Variants in ASPM observed in about 807,000 individuals in gnomAD.
The protein encoded by ASPM is assembly factor for spindle microtubules, also known as abnormal spindle-like microcephaly-associated protein.
In ASPM, 256 loss-of-function variants were observed where a neutral mutation model predicts 366.4. That is an observed-to-expected ratio of 0.70 (90% confidence interval 0.63 to 0.77). The LOEUF is 0.77. Ranked by LOEUF, ASPM falls within the 30% of genes least tolerant of loss-of-function variation. The pLI is 0.00. For synonymous variants in ASPM, 1,414 were observed against 1,342.9 expected, an observed-to-expected ratio of 1.05 and a Z score of -1.16; for missense variants, 4,146 against 4,090.4, an observed-to-expected ratio of 1.01 and a Z score of -0.37.
rs1398918510 is a variant in ASPM at position 197,146,177 on chromosome 1, C to G, written c.261G>C (p.Leu87=). 4 of 1,613,776 alleles carry G rather than the reference C, an allele frequency of 2.5e-6. No homozygotes were observed. Among genetic ancestry groups the G allele is most frequent in the Non-Finnish European group, 2.5e-6 (3 of 1,179,970 alleles). The change falls in exon 1 of 28, where the codon CTG becomes CTC. Residue 87 remains leucine (L), a synonymous_variant. Coordinates refer to ENST00000367409, the MANE Select transcript of ASPM (RefSeq NM_018136.5). ...AACAGCGCTGCGACACACTGAAGCCCAGGTCCGCGGCCGGGAAGTGGGAGA... is the reference window on the plus strand; with the variant it reads ...AACAGCGCTGCGACACACTGAAGCCGAGGTCCGCGGCCGGGAAGTGGGAGA... ...VKISHFPAAD[L]GFSVSQRCFV...
At chr1:197,095,340 C>T (rs1041575167) in intron 19 of ASPM, among the ~76,000 whole-genome samples, 1 of 151,698 alleles carries the variant, frequency 6.6e-6, no homozygotes, top group African/African-American at 2.4e-5. Context: ...CCATGGGCTT[C>T]ATCCAAAAAT....
At position 197,103,364 on chromosome 1, in the gene ASPM, G is replaced by A; in HGVS notation, c.5887C>T (p.Leu1963=). The part of the protein sequence containing the change: ...VLQSMWKGKT[L]RRQLQRQHKC... ...TGTTGCCTTTGAAGCTGTCTTCTCAGTGTTTTTCCCTTCCACATAGATTGA... is the reference window on the plus strand; with the variant it reads ...TGTTGCCTTTGAAGCTGTCTTCTCAATGTTTTTCCCTTCCACATAGATTGA... Residue 1963 remains leucine, a synonymous_variant, in exon 18 of 28, where the codon CTG becomes TTG. Transcript: ENST00000367409. 5.6e-6 allele frequency: 9 copies of A among 1,613,266 alleles called. No homozygotes were observed. Among genetic ancestry groups the A allele is most frequent in the Non-Finnish European group, 7.6e-6 (9 of 1,179,482 alleles).
Position 197,100,725 on chromosome 1 carries a change from C to G in ASPM, c.8526G>C (p.Arg2842=). ...CAGCCATCTGAAGGAAGAACTGAATCCGTAGGGCAGCACATTTCTGTGTTT... is the reference window on the plus strand; with the variant it reads ...CAGCCATCTGAAGGAAGAACTGAATGCGTAGGGCAGCACATTTCTGTGTTT... ...KLETQKCAAL[R]IQFFLQMAVY... is the part of the protein sequence containing the mutation. Residue 2842 remains arginine, a synonymous_variant, in exon 18 of 28, where the codon CGG becomes CGC. Transcript: ENST00000367409. 6.2e-7 allele frequency: 1 copy of G among 1,612,480 alleles called. No homozygotes were observed.
chr1:197,141,697 T>C (rs950573057), intron 3 of ASPM, among the ~76,000 whole-genome samples: 10 of 152,116 alleles, frequency 6.6e-5, no homozygotes, highest in Non-Finnish European at 1.5e-4. Flanking sequence ...TTCCTAAGCA[T>C]AGCATAATCA....
intron 4 of ASPM, among the ~76,000 whole-genome samples, chr1:197,136,289 G>C (rs184112687): frequency 7.4e-4 from 112 of 152,102 alleles, no homozygotes; most frequent in African/African-American, 2.7e-3. Flanking sequence ...AACTATATAA[G>C]TAAATAACCA....
Position 197,144,963 on chromosome 1 carries a change from C to T in ASPM, c.298-863G>A, listed in dbSNP as rs974053867. ...CTAAAAATACCACAAAATTTAGTTC[C>T]ACATTATAACAAAAAAGAGTAAGTT... On this transcript the variant is annotated intron_variant, in intron 1 of 27. Transcript: ENST00000367409. 3.3e-5 allele frequency among the ~76,000 whole-genome samples: 5 copies of T among 151,868 alleles called. No homozygotes were observed. The South Asian group carries it at 8.3e-4, about 25-fold the overall frequency.
chr1:197,142,454 T>G lies in ASPM; in HGVS notation c.1798A>C (p.Lys600Gln). The part of the protein sequence containing the change: ...ITEHTEVREI[K>Q]RIHFSPSEPK... ...TCTGAGGGAGAAAAATGGATTCTTT[T>G]GATTTCTCGCACTTCTGTATGTTCT... The change falls in exon 3 of 28, where the codon AAA becomes CAA. Residue 600 changes from lysine to glutamine, a missense_variant. Around this residue, in one of 3 missense-constraint regions of ASPM, gnomAD observed 3,624 missense variants for 3,591.7 expected, o/e 1.01. Transcript: ENST00000367409. 6.2e-7 allele frequency: 1 copy of G among 1,614,028 alleles called. No individual in the cohort carries two copies. Among genetic ancestry groups the G allele is most frequent in the East Asian group, 2.2e-5 (1 of 44,872 alleles).
intron 22 of ASPM, among the ~76,000 whole-genome samples, chr1:197,091,248 A>G (rs759853247): frequency 4.6e-4 from 70 of 152,086 alleles, no homozygotes; most frequent in Non-Finnish European, 7.4e-4. Context: ...GTGTGTGTGC[A>G]CACACATGCA....
At chr1:197,144,399 A>C (rs1420391309) in intron 1 of ASPM, among the ~76,000 whole-genome samples, 2 of 152,220 alleles carry the variant, frequency 1.3e-5, no homozygotes, top group African/African-American at 2.4e-5. Flanking sequence ...ATTTAATTGT[A>C]CATTTCTAAT....
At chr1:197,137,293 G>C (rs1463895831) in intron 4 of ASPM, among the ~76,000 whole-genome samples, 3 of 152,082 alleles carry the variant, frequency 2.0e-5, no homozygotes, top group Admixed American at 6.5e-5. Flanking sequence ...ATTTATTCAA[G>C]GAATAATTGC....
chr1:197,129,419 G>A, intron 8 of ASPM, 102 bp from the exon 9 acceptor site: 1 of 1,292,580 alleles, frequency 7.7e-7, no homozygotes, highest in Non-Finnish European at 1.1e-6. Context: ...AAAACAAAAA[G>A]TGTAGGGTAG....
At chr1:197,135,335 T>G (rs1001036963) in intron 4 of ASPM, 93 bp from the exon 5 acceptor site, 24 of 1,212,716 alleles carry the variant, frequency 2.0e-5, no homozygotes, top group Non-Finnish European at 2.8e-5. Flanking sequence ...AATACCATCT[T>G]TAAAACACTG....
chr1:197,135,718 T>C (rs1429372817), intron 4 of ASPM, among the ~76,000 whole-genome samples: 1 of 150,758 alleles, frequency 6.6e-6, no homozygotes, highest in Non-Finnish European at 1.5e-5. Context: ...TAAATGGTAG[T>C]CCTGGGCAGA....
chr1:197,143,402 C>CA lies in ASPM; in HGVS notation c.849_850insT (p.Val284CysfsTer4), dbSNP rs758286925. 8 of 1,613,886 alleles carry CA rather than the reference C, an allele frequency of 5.0e-6. No individual in the cohort carries two copies. In the Admixed American group the frequency reaches 1.3e-4, roughly 27 times the overall value. On this transcript the variant is annotated frameshift_variant, in exon 3 of 28. Coordinates refer to ENST00000367409, the MANE Select transcript of ASPM (RefSeq NM_018136.5). LOFTEE classifies it high-confidence loss of function. Reference sequence around the variant, plus strand: ...TCTCCTCTTTGGCCATTAACATTTACGGAATTAAAGGAAGTTTCAGTTACA... The same window carrying CA: ...TCTCCTCTTTGGCCATTAACATTTACAGGAATTAAAGGAAGTTTCAGTTACA...
chr1:197,116,546 T>A (rs7411719), intron 17 of ASPM, among the ~76,000 whole-genome samples: 115,918 of 152,016 alleles, frequency 0.76, 48,487 homozygotes, highest in East Asian at 0.98. Context: ...AGCACAATAA[T>A]GCAAAGAGCA....
At chr1:197,091,228 C>CTG (rs35277950) in intron 22 of ASPM, among the ~76,000 whole-genome samples, 187 bp from the exon 23 acceptor site, 22 of 150,860 alleles carry the variant, frequency 1.5e-4, no homozygotes, top group African/African-American at 4.4e-4. Flanking sequence ...TGTTGGGTGC[C>CTG]TGTGTGTGTG....
At chr1:197,090,565 C>T (rs1413833904) in intron 23 of ASPM, among the ~76,000 whole-genome samples, 177 bp from the exon 24 acceptor site, 1 of 151,952 alleles carries the variant, frequency 6.6e-6, no homozygotes, top group Non-Finnish European at 1.5e-5. Flanking sequence ...AAAAGAAATA[C>T]AGATAATATT....
At chr1:197,105,208 CA>C (rs1472108541) in intron 17 of ASPM, 23 bp from the exon 18 acceptor site, 3 of 1,558,588 alleles carry the variant, frequency 1.9e-6, no homozygotes, top group Non-Finnish European at 2.7e-6. Context: ...AGAAAGGACA[CA>C]AAGTAAAATA....
chr1:197,125,182 C>T lies in ASPM; in HGVS notation c.2946G>A (p.Met982Ile). ...GGTCCCAGTTCTGTGTGAGAAGTTC[C>T]ATGGTTCGCCTGGCAGTAATAAAAT... Reference protein sequence around the residue: ...LQCGVRLVRTMELLTQNWDLS... With the variant: ...LQCGVRLVRTIELLTQNWDLS... The change falls in exon 11 of 28, where the codon ATG becomes ATA. Residue 982 changes from methionine (M) to isoleucine (I), a missense_variant. Around this residue, in one of 3 missense-constraint regions of ASPM, gnomAD observed 3,624 missense variants for 3,591.7 expected, o/e 1.01. Coordinates refer to ENST00000367409, the MANE Select transcript of ASPM (RefSeq NM_018136.5). The T allele has an allele frequency of 1.2e-6, 2 of 1,613,986 alleles. No homozygotes were observed. The highest frequency in any genetic ancestry group is 1.7e-6 in the Non-Finnish European group (2 of 1,179,926).
Sources: gnomAD v4.1 joint callset for allele counts (sites outside exome capture counted in the v4.1 genomes callset) on GRCh38, gnomAD v4.1.1 for gene constraint, gnomAD v4.1.1 regional missense constraint, MANE v1.5 for transcripts, NCBI Gene and HGNC (gene_info 2026-07-23, HGNC 2026-07-21) for gene names.